MRPS27: variants seen among roughly 807,000 people sequenced by gnomAD.
MRPS27 encodes mitochondrial ribosomal protein S27.
A neutral mutation model predicts 48.9 loss-of-function variants in MRPS27; 43 were observed. That is an observed-to-expected ratio of 0.88 (90% CI 0.69 to 1.13). MRPS27 has a LOEUF of 1.13. Among genes scored for constraint, MRPS27 ranks in the 50% most tolerant of loss-of-function variants. The pLI is 0.00. For synonymous variants in MRPS27, 188 were observed against 171.9 expected, an observed-to-expected ratio of 1.09 and a Z score of -0.73; for missense variants, 467 against 476.3, an observed-to-expected ratio of 0.98 and a Z score of 0.18.
intron 1 of MRPS27, among the ~76,000 whole-genome samples, chr5:72,317,529 T>C (rs979230394): frequency 1.3e-5 from 2 of 151,666 alleles, no homozygotes; most frequent in Non-Finnish European, 2.9e-5. Context: ...ATTTCAGGCA[T>C]GCGCCACCAC....
At chr5:72,311,960 T>G (rs1750451094) in intron 2 of MRPS27, among the ~76,000 whole-genome samples, 1 of 152,158 alleles carries the variant, frequency 6.6e-6, no homozygotes, top group Non-Finnish European at 1.5e-5. Context: ...GGCAAAACCC[T>G]GTCTCTATTA....
intron 4 of MRPS27, among the ~76,000 whole-genome samples, chr5:72,242,898 G>A (rs1437134362): frequency 2.6e-5 from 4 of 152,190 alleles, no homozygotes; most frequent in African/African-American, 9.7e-5. Context: ...ACAGATGCCA[G>A]AGCCTAGAGC....
In MRPS27 at chr5:72,257,773, G is replaced by A. The variant is rs186236032; in HGVS notation, c.282-19645C>T. 4.4e-3 allele frequency among the ~76,000 whole-genome samples: 656 copies of A among 147,904 alleles called. 3 individuals carry two copies. Among genetic ancestry groups the A allele is most frequent in the African/African-American group, 0.016 (634 of 40,212 alleles). On this transcript the variant is annotated intron_variant, in intron 4 of 10. Transcript: ENST00000261413. Reference sequence around the variant, plus strand: ...CAGGATGTACTGTTTATCTACCCAAGGACTTGATCTACAAGATTAAAGAAT... The same window carrying A: ...CAGGATGTACTGTTTATCTACCCAAAGACTTGATCTACAAGATTAAAGAAT...
chr5:72,302,154 A>G (rs962313192), intron 2 of MRPS27, among the ~76,000 whole-genome samples: 2 of 152,218 alleles, frequency 1.3e-5, no homozygotes, highest in Non-Finnish European at 2.9e-5. Context: ...AGAAAATAAA[A>G]TGTATACTAA....
At chr5:72,271,867 C>G (rs2112018542) in intron 4 of MRPS27, among the ~76,000 whole-genome samples, 1 of 152,278 alleles carries the variant, frequency 6.6e-6, no homozygotes, top group East Asian at 1.9e-4. Flanking sequence ...CTGCTGATAT[C>G]CAGCATCTGT....
rs772014778 is a variant in MRPS27 at position 72,320,199 on chromosome 5, C to A, written c.23G>T (p.Arg8Leu). The change falls in exon 1 of 11, where the codon CGC (arginine) becomes CTC (leucine). Residue 8 changes from arginine (R) to leucine (L), a missense_variant. Coordinates refer to ENST00000261413, the MANE Select transcript of MRPS27 (RefSeq NM_015084.3). ...CACTTGCCGCGCCAGGAGCATCCCGCGCCGCACTATGGAGGCAGCCATCTT... is the reference window on the plus strand; with the variant it reads ...CACTTGCCGCGCCAGGAGCATCCCGAGCCGCACTATGGAGGCAGCCATCTT... Reference protein sequence around the residue: MAASIVRRGMLLARQVVL... With the variant: MAASIVRLGMLLARQVVL... 5 of 1,613,960 alleles carry A rather than the reference C, an allele frequency of 3.1e-6. No individual in the cohort carries two copies. The highest frequency in any genetic ancestry group is 4.2e-6 in the Non-Finnish European group (5 of 1,179,892).
intron 9 of MRPS27, 97 bp from the exon 10 acceptor site, chr5:72,223,947 C>T: frequency 1.7e-6 from 2 of 1,152,052 alleles, no homozygotes; most frequent in Non-Finnish European, 2.4e-6. Flanking sequence ...GAAGAATGAG[C>T]TCTAAAAGAC....
At chr5:72,283,254 A>C (rs1486139799) in intron 4 of MRPS27, among the ~76,000 whole-genome samples, 1 of 152,158 alleles carries the variant, frequency 6.6e-6, no homozygotes, top group South Asian at 2.1e-4. Context: ...CCCCCACAAG[A>C]TAATACATTT....
intron 2 of MRPS27, among the ~76,000 whole-genome samples, chr5:72,297,921 T>C (rs1366801490): frequency 1.3e-5 from 2 of 152,234 alleles, no homozygotes; most frequent in South Asian, 2.1e-4. Context: ...CTTTTTACCA[T>C]GTATTTAGCT....
intron 2 of MRPS27, among the ~76,000 whole-genome samples, chr5:72,310,155 G>GTATATGCATATACA (rs1750405208): frequency 6.6e-6 from 1 of 152,210 alleles, no homozygotes. Context: ...ATGCATATGT[G>GTATATGCATATACA]TACATGTATG....
Position 72,267,185 on chromosome 5 carries a change from G to A in MRPS27, c.281+28346C>T, listed in dbSNP as rs73761747. Among the ~76,000 whole-genome samples the A allele has an allele frequency of 5.5e-3, 844 of 152,248 alleles. 16 individuals are homozygous for A. The highest frequency in any genetic ancestry group is 0.019 in the African/African-American group (807 of 41,546). On this transcript the variant is annotated intron_variant, in intron 4 of 10. Coordinates refer to ENST00000261413, the MANE Select transcript of MRPS27 (RefSeq NM_015084.3). ...TATATTCATTTTGGCATAACTATAC[G>A]GAGTCTTCCAATTCCAATCTAGTGC...
At chr5:72,318,057 T>C (rs1039678955) in intron 1 of MRPS27, among the ~76,000 whole-genome samples, 2 of 152,126 alleles carry the variant, frequency 1.3e-5, no homozygotes, top group African/African-American at 4.8e-5. Flanking sequence ...ATGCTAAAAA[T>C]CTCCTAATAT....
intron 4 of MRPS27, among the ~76,000 whole-genome samples, chr5:72,258,857 G>A (rs933488605): frequency 2.0e-5 from 3 of 152,142 alleles, no homozygotes; most frequent in African/African-American, 7.2e-5. Context: ...TAATAAAATA[G>A]CTTAGCTATA....
chr5:72,256,755 G>A (rs991699739), intron 4 of MRPS27, among the ~76,000 whole-genome samples: 2 of 152,054 alleles, frequency 1.3e-5, no homozygotes, highest in African/African-American at 2.4e-5. Flanking sequence ...AAAACAATAG[G>A]TCTGTTATTT....
intron 4 of MRPS27, among the ~76,000 whole-genome samples, chr5:72,261,705 T>C (rs1748982505): frequency 6.6e-6 from 1 of 152,226 alleles, no homozygotes; most frequent in Non-Finnish European, 1.5e-5. Flanking sequence ...TTAAAGTCTG[T>C]ACCATGTAAT....
rs749889500 is a variant in MRPS27 at position 72,223,847 on chromosome 5, C to A, written c.841G>T (p.Asp281Tyr). Residue 281 changes from aspartate to tyrosine, a missense_variant, in exon 10 of 11, where the codon GAT becomes TAT. Transcript: ENST00000261413. ...EDIKLCREAL[D>Y]VLGAVLKALT... ...GCCTTCAGCACTGCACCCAGCACAT[C>A]GAGCTGTGGAGCAGAAAGAGGGTCA... The A allele has an allele frequency of 3.7e-6, 6 of 1,613,146 alleles. No homozygotes were observed. In the South Asian group the frequency reaches 6.6e-5, roughly 18 times the overall value.
chr5:72,316,204 G>C (rs1750559692), intron 1 of MRPS27, among the ~76,000 whole-genome samples: 1 of 152,238 alleles, frequency 6.6e-6, no homozygotes, highest in Non-Finnish European at 1.5e-5. Context: ...GGTTGCTAAG[G>C]GCTAAAGGTG....
intron 9 of MRPS27, among the ~76,000 whole-genome samples, chr5:72,224,870 A>G (rs1040854623): frequency 2.0e-5 from 3 of 152,320 alleles, no homozygotes; most frequent in Non-Finnish European, 4.4e-5. Context: ...GATATTAACA[A>G]CAGCAAGGCC....
chr5:72,245,506 G>C lies in MRPS27; in HGVS notation c.282-7378C>G, dbSNP rs147385561. On this transcript the variant is annotated intron_variant, in intron 4 of 10. Coordinates refer to ENST00000261413, the MANE Select transcript of MRPS27 (RefSeq NM_015084.3). ...TCTGCAAAATCACAAATAATACAAT[G>C]ATTAAGATAGGAAAATCACATATAT... Among the ~76,000 whole-genome samples the C allele has an allele frequency of 3.4e-3, 517 of 152,064 alleles. 1 individual carries two copies. Among genetic ancestry groups the C allele is most frequent in the African/African-American group, 0.011 (463 of 41,460 alleles).
Sources: allele counts gnomAD v4.1 joint callset (sites outside exome capture counted in the v4.1 genomes callset), GRCh38; gene constraint gnomAD v4.1.1; transcripts MANE v1.5; gene names NCBI Gene and HGNC (gene_info 2026-07-23, HGNC 2026-07-21).